STAU2: variants seen among roughly 807,000 people sequenced by gnomAD.
STAU2 encodes the protein staufen double-stranded RNA binding protein 2.
Under a neutral mutation model 65.9 loss-of-function variants are expected in STAU2, and 20 were observed. The observed-to-expected ratio is 0.30, with a 90% confidence interval of 0.21 to 0.44. The LOEUF (loss-of-function observed/expected upper bound fraction) is 0.44, where lower values mean the gene tolerates loss of function less well. Among genes scored for constraint, STAU2 ranks in the 20% least tolerant of loss-of-function variants. STAU2 has a pLI of 1.00. For missense variants in STAU2, 558 were observed against 683.9 expected (o/e 0.82, Z 2.05); for synonymous variants, 232 against 233.9 (o/e 0.99, Z 0.07).
At chr8:73,596,373 T>C (rs1429254609) in intron 10 of STAU2, among the ~76,000 whole-genome samples, 1 of 152,204 alleles carries the variant, frequency 6.6e-6, no homozygotes, top group Non-Finnish European at 1.5e-5. Context: ...ACAGTTATCT[T>C]CTGTGAGCAA....
intron 3 of STAU2, among the ~76,000 whole-genome samples, chr8:73,719,324 G>T (rs377014931): frequency 6.6e-6 from 1 of 151,976 alleles, no homozygotes; most frequent in Non-Finnish European, 1.5e-5. Context: ...AGAATGGCAC[G>T]AACTCACAAG....
intron 12 of STAU2, among the ~76,000 whole-genome samples, chr8:73,560,863 A>G (rs1808175922): frequency 6.6e-6 from 1 of 152,254 alleles, no homozygotes; most frequent in Non-Finnish European, 1.5e-5. Flanking sequence ...CTTGTACCTT[A>G]GTCAAATAAA....
chr8:73,445,452 A>C (rs1235508082), intron 13 of STAU2, among the ~76,000 whole-genome samples: 1 of 152,264 alleles, frequency 6.6e-6, no homozygotes, highest in African/African-American at 2.4e-5. Context: ...CAAAACAAAA[A>C]ACAAAATTTT....
chr8:73,455,747 T>A (rs1819027764), intron 13 of STAU2, among the ~76,000 whole-genome samples: 1 of 152,180 alleles, frequency 6.6e-6, no homozygotes, highest in African/African-American at 2.4e-5. Context: ...TGCCCATATA[T>A]CTGTTATAGT....
At chr8:73,658,242 C>T (rs1287618162) in intron 6 of STAU2, among the ~76,000 whole-genome samples, 1 of 152,098 alleles carries the variant, frequency 6.6e-6, no homozygotes, top group Admixed American at 6.5e-5. Context: ...GTGGCCCACG[C>T]CTGTAGTCCC....
At chr8:73,506,285 C>CTCCTAAT (rs1435843088) in intron 13 of STAU2, among the ~76,000 whole-genome samples, 1 of 152,102 alleles carries the variant, frequency 6.6e-6, no homozygotes, top group African/African-American at 2.4e-5. Flanking sequence ...TGAGCCGTTG[C>CTCCTAAT]TCCTAATTCC....
At chr8:73,448,868 C>G (rs1585778933) in intron 13 of STAU2, among the ~76,000 whole-genome samples, 1 of 152,274 alleles carries the variant, frequency 6.6e-6, no homozygotes, top group Non-Finnish European at 1.5e-5. Flanking sequence ...CGGTCCCTGC[C>G]GTGGGCGCTA....
intron 13 of STAU2, among the ~76,000 whole-genome samples, chr8:73,539,597 CT>C (rs1806397658): frequency 6.6e-6 from 1 of 152,144 alleles, no homozygotes; most frequent in African/African-American, 2.4e-5. Flanking sequence ...AATCCCAGCA[CT>C]TTGGGAGGCC....
At chr8:73,508,369 GGAGA>G (rs1407343505) in intron 13 of STAU2, among the ~76,000 whole-genome samples, 1 of 152,124 alleles carries the variant, frequency 6.6e-6, no homozygotes, top group Non-Finnish European at 1.5e-5. Context: ...CTGAGGAGAT[GGAGA>G]GAGATGGGGG....
intron 11 of STAU2, among the ~76,000 whole-genome samples, chr8:73,583,979 T>C (rs1353500040): frequency 6.6e-6 from 1 of 152,210 alleles, no homozygotes; most frequent in Non-Finnish European, 1.5e-5. Flanking sequence ...AGCCTAGATA[T>C]AAACACAAAA....
intron 8 of STAU2, 140 bp downstream of exon 8, chr8:73,615,535 G>C: frequency 1.7e-6 from 1 of 601,608 alleles, no homozygotes; most frequent in South Asian, 2.3e-5. Flanking sequence ...CCAGGGCCTA[G>C]ATCATTTCAT....
At chr8:73,658,360 T>G (rs1460398464) in intron 6 of STAU2, among the ~76,000 whole-genome samples, 2 of 151,754 alleles carry the variant, frequency 1.3e-5, no homozygotes, top group Non-Finnish European at 2.9e-5. Flanking sequence ...AGAGCAACAC[T>G]CCATCTCAAT....
rs534746854 is a variant in STAU2, at chr8:73,472,733, T to TA, written c.1531-50032dup. On this transcript the variant is annotated intron_variant, in intron 13 of 14. Transcript: ENST00000524300. Reference sequence around the variant, plus strand: ...AGTTGCAGTGGATTTGGTTCAGCATTAAAAAAACAAAAAACATACACTGCT... The same window carrying TA: ...AGTTGCAGTGGATTTGGTTCAGCATTAAAAAAAACAAAAAACATACACTGCT... 1.2e-3 allele frequency among the ~76,000 whole-genome samples: 177 copies of TA among 151,780 alleles called. 1 individual carries two copies. The highest frequency in any genetic ancestry group is 4.0e-3 in the African/African-American group (165 of 41,394).
intron 13 of STAU2, among the ~76,000 whole-genome samples, chr8:73,546,887 G>A (rs1373753461): frequency 3.3e-5 from 5 of 152,128 alleles, no homozygotes; most frequent in East Asian, 1.9e-4. Flanking sequence ...ATTGTCAATC[G>A]TTTCTAGCAA....
At chr8:73,462,442 C>G (rs1010012013) in intron 13 of STAU2, among the ~76,000 whole-genome samples, 1 of 151,354 alleles carries the variant, frequency 6.6e-6, no homozygotes, top group African/African-American at 2.4e-5. Context: ...GTCACCCAGG[C>G]TGGACTTTAG....
intron 10 of STAU2, among the ~76,000 whole-genome samples, chr8:73,598,809 T>C (rs1200068913): frequency 1.3e-5 from 2 of 152,106 alleles, no homozygotes; most frequent in Non-Finnish European, 2.9e-5. Flanking sequence ...ATTGATTAGA[T>C]TGTAATAAGC....
chr8:73,649,869 T>TATATA (rs1815708313), intron 6 of STAU2, among the ~76,000 whole-genome samples: 1 of 71,656 alleles, frequency 1.4e-5, no homozygotes, highest in East Asian at 5.1e-4. Flanking sequence ...CTATATAATT[T>TATATA]TATATATATA....
At chr8:73,646,764 A>G (rs1268510117) in intron 6 of STAU2, among the ~76,000 whole-genome samples, 2 of 152,158 alleles carry the variant, frequency 1.3e-5, no homozygotes, top group African/African-American at 4.8e-5. Context: ...AAACTATGTT[A>G]AGAGGATGGA....
intron 6 of STAU2, among the ~76,000 whole-genome samples, chr8:73,664,689 T>C (rs1469290004): frequency 6.6e-6 from 1 of 152,150 alleles, no homozygotes; most frequent in Non-Finnish European, 1.5e-5. Flanking sequence ...TTGCTGATAT[T>C]TTGTTAAGAA....
Sources: gnomAD v4.1 joint callset for allele counts (sites outside exome capture counted in the v4.1 genomes callset) on GRCh38, gnomAD v4.1.1 for gene constraint, MANE v1.5 for transcripts, NCBI Gene and HGNC (gene_info 2026-07-23, HGNC 2026-07-21) for gene names.